Variants in PWWP2B observed in about 807,000 individuals in gnomAD.
PWWP2B encodes the protein PWWP domain containing 2B.
Under a neutral mutation model 15.5 loss-of-function variants are expected in PWWP2B, and 9 were observed. The ratio of observed to expected loss-of-function variants is 0.58; its 90% confidence interval spans 0.35 to 1.02. The LOEUF (loss-of-function observed/expected upper bound fraction) is 1.02. Among genes scored for constraint, PWWP2B ranks in the 50% least tolerant of loss-of-function variants. The pLI is 0.02. For missense variants in PWWP2B, 864 were observed against 865.3 expected (o/e 1.00, Z 0.02); for synonymous variants, 474 against 403.6 (o/e 1.17, Z -2.09).
At chr10:132,413,235 A>G (rs574518077) in intron 2 of PWWP2B, among the ~76,000 whole-genome samples, 1 of 152,394 alleles carries the variant, frequency 6.6e-6, no homozygotes, top group East Asian at 1.9e-4. Flanking sequence ...TAATATATCT[A>G]TATCAACATG....
intron 2 of PWWP2B, among the ~76,000 whole-genome samples, chr10:132,415,230 ACACT>A (rs202032185): frequency 4.6e-5 from 7 of 150,820 alleles, no homozygotes; most frequent in East Asian, 1.9e-4. Flanking sequence ...ACACCCACTC[ACACT>A]CACACACATC....
At chr10:132,399,094 C>A (rs1399464243) in intron 1 of PWWP2B, among the ~76,000 whole-genome samples, 2 of 149,428 alleles carry the variant, frequency 1.3e-5, no homozygotes, top group African/African-American at 4.9e-5. Flanking sequence ...AGCCGGTTCT[C>A]TGCCCTTGTA....
At chr10:132,415,931 C>T (rs1031700258) in intron 2 of PWWP2B, among the ~76,000 whole-genome samples, 1 of 152,116 alleles carries the variant, frequency 6.6e-6, no homozygotes, top group African/African-American at 2.4e-5. Flanking sequence ...AGAAAGAATC[C>T]CCTCTTACAT....
chr10:132,397,376 A>C (rs1022852919), intron 1 of PWWP2B, 25 bp downstream of exon 1: 1 of 1,223,256 alleles, frequency 8.2e-7, no homozygotes, highest in Non-Finnish European at 1.0e-6. Context: ...GGGCCGGGAC[A>C]CCCCCGGGGT....
At chr10:132,400,516 C>T (rs2069602440) in intron 1 of PWWP2B, among the ~76,000 whole-genome samples, 1 of 152,182 alleles carries the variant, frequency 6.6e-6, no homozygotes, top group Non-Finnish European at 1.5e-5. Context: ...CTTGTGGGGC[C>T]TTGGAGGAGG....
chr10:132,408,941 C>T (rs896668397), intron 2 of PWWP2B, among the ~76,000 whole-genome samples: 6 of 152,322 alleles, frequency 3.9e-5, no homozygotes, highest in Middle Eastern at 3.4e-3. Flanking sequence ...GCAGGGGCCG[C>T]GCCAGGACGC....
chr10:132,405,727 C>A lies in PWWP2B; in HGVS notation c.1227C>A (p.Ser409Arg). Residue 409 changes from serine to arginine, a missense_variant, in exon 2 of 3, where the codon AGC (serine) becomes AGA (arginine). Physicochemically the swap from Ser to Arg is moderately radical, Grantham distance 110. Coordinates refer to ENST00000305233, the MANE Select transcript of PWWP2B (RefSeq NM_138499.4). ...QGREGLAFLV[S>R]CPEGRADCAS... Reference sequence around the variant, plus strand: ...GCGAGGGCTTGGCTTTTCTCGTCAGCTGCCCTGAGGGGAGAGCGGACTGTG... The same window carrying A: ...GCGAGGGCTTGGCTTTTCTCGTCAGATGCCCTGAGGGGAGAGCGGACTGTG... 6.2e-7 allele frequency: 1 copy of A among 1,610,582 alleles called. No individual in the cohort carries two copies. Among genetic ancestry groups the A allele is most frequent in the Non-Finnish European group, 8.5e-7 (1 of 1,179,898 alleles).
chr10:132,403,961 C>T (rs1371659699), intron 1 of PWWP2B, among the ~76,000 whole-genome samples: 1 of 151,060 alleles, frequency 6.6e-6, no homozygotes, highest in African/African-American at 2.4e-5. Context: ...CCACCCCAGA[C>T]ACACGTCATG....
At chr10:132,403,406 T>G (rs980522718) in intron 1 of PWWP2B, among the ~76,000 whole-genome samples, 1 of 152,262 alleles carries the variant, frequency 6.6e-6, no homozygotes. Context: ...TTACGCGTGT[T>G]CCCTGTGGAA....
chr10:132,400,265 G>T (rs1295973087), intron 1 of PWWP2B, among the ~76,000 whole-genome samples: 1 of 152,170 alleles, frequency 6.6e-6, no homozygotes, highest in Non-Finnish European at 1.5e-5. Flanking sequence ...GGCCTGGCTA[G>T]CATGGCTGGT....
intron 1 of PWWP2B, among the ~76,000 whole-genome samples, chr10:132,401,481 G>T (rs918971679): frequency 6.6e-6 from 1 of 151,662 alleles, no homozygotes; most frequent in Non-Finnish European, 1.5e-5. Context: ...CCTGGACCCA[G>T]CAGGCCCATC....
chr10:132,415,324 AC>A (rs374918831), intron 2 of PWWP2B, among the ~76,000 whole-genome samples: 134 of 144,662 alleles, frequency 9.3e-4, no homozygotes, highest in East Asian at 2.6e-3. Context: ...ATCCACACAC[AC>A]CCCCCCACAC....
At chr10:132,399,043 A>G (rs1000870701) in intron 1 of PWWP2B, among the ~76,000 whole-genome samples, 14 of 133,214 alleles carry the variant, frequency 1.1e-4, no homozygotes, top group Admixed American at 1.0e-3. Context: ...TCCTGGAAGG[A>G]CCCCCGCCCC....
Position 132,405,201 on chromosome 10 carries a change from G to C in PWWP2B, c.701G>C (p.Arg234Thr). 6.3e-7 allele frequency: 1 copy of C among 1,580,686 alleles called. No individual in the cohort carries two copies. The highest frequency in any genetic ancestry group is 8.6e-7 in the Non-Finnish European group (1 of 1,164,760). Residue 234 changes from arginine (R) to threonine (T), a missense_variant, in exon 2 of 3, where the codon AGG becomes ACG. Arg to Thr is a moderately conservative substitution (Grantham distance 71, BLOSUM62 -1). Around this residue, in one of 2 missense-constraint regions of PWWP2B, gnomAD observed 736 missense variants for 687.7 expected, o/e 1.07. Coordinates refer to ENST00000305233, the MANE Select transcript of PWWP2B (RefSeq NM_138499.4). ...TAAATARRSK[R>T]ERREEDRAPA... ...GCGGCCACCGCCAGGAGGAGCAAGAGGGAGAGGCGCGAGGAGGACAGGGCC... is the reference window on the plus strand; with the variant it reads ...GCGGCCACCGCCAGGAGGAGCAAGACGGAGAGGCGCGAGGAGGACAGGGCC...
At position 132,417,468 on chromosome 10, in the gene PWWP2B, T is replaced by G. The variant is rs1306478352; in HGVS notation, c.*424T>G. The G allele has an allele frequency of 1.1e-5, 3 of 281,860 alleles. No homozygotes were observed. Among genetic ancestry groups the G allele is most frequent in the Non-Finnish European group, 2.0e-5 (3 of 147,904 alleles). 17.5% of individuals were successfully genotyped at this position (281,860 alleles called of 1,614,324 possible). ...TCGCCCAGCGGCTGGTGTGGGCAGC[T>G]GTTCCCTGCCTCGCAGTGTCCTGGA... On this transcript the variant is annotated 3_prime_UTR_variant, in exon 3 of 3. Transcript: ENST00000305233.
At chr10:132,412,077 C>T (rs929373309) in intron 2 of PWWP2B, among the ~76,000 whole-genome samples, 13 of 152,228 alleles carry the variant, frequency 8.5e-5, no homozygotes, top group East Asian at 5.8e-4. Context: ...CGGTCCTTGC[C>T]GCTTCCTCCC....
At chr10:132,409,628 A>C (rs1590763504) in intron 2 of PWWP2B, among the ~76,000 whole-genome samples, 2 of 143,700 alleles carry the variant, frequency 1.4e-5, no homozygotes, top group African/African-American at 5.3e-5. Flanking sequence ...TCTCTCCCTC[A>C]CCACCCACCC....
At chr10:132,413,619 C>T (rs566597891) in intron 2 of PWWP2B, among the ~76,000 whole-genome samples, 1 of 152,240 alleles carries the variant, frequency 6.6e-6, no homozygotes, top group Non-Finnish European at 1.5e-5. Flanking sequence ...GGGTCCACTC[C>T]CGTCCTGGTC....
chr10:132,399,560 G>T (rs1487347252), intron 1 of PWWP2B, among the ~76,000 whole-genome samples: 1 of 152,262 alleles, frequency 6.6e-6, no homozygotes, highest in African/African-American at 2.4e-5. Context: ...TGCCACAAGG[G>T]CCATGTGATC....
Sources: allele counts gnomAD v4.1 joint callset (sites outside exome capture counted in the v4.1 genomes callset), GRCh38; gene constraint gnomAD v4.1.1; regional missense constraint gnomAD v4.1.1; transcripts MANE v1.5; gene names NCBI Gene and HGNC (gene_info 2026-07-23, HGNC 2026-07-21).